GPD1L: variants seen among roughly 807,000 people sequenced by gnomAD.
GPD1L encodes glycerol-3-phosphate dehydrogenase 1 like.
GPD1L carries 17 observed loss-of-function variants against 32.9 expected under a neutral mutation model. The observed-to-expected ratio is 0.52, with a 90% CI of 0.35 to 0.78. GPD1L has a LOEUF of 0.78. GPD1L is among the 30% of genes least tolerant of loss of function. GPD1L has a pLI of 0.01. For synonymous variants in GPD1L, 187 were observed against 165.9 expected, an observed-to-expected ratio of 1.13 and a Z score of -0.98; for missense variants, 361 against 447.8, an observed-to-expected ratio of 0.81 and a Z score of 1.75.
intron 7 of GPD1L, among the ~76,000 whole-genome samples, chr3:32,161,006 T>C (rs762102750): frequency 5.9e-5 from 9 of 152,206 alleles, no homozygotes; most frequent in Non-Finnish European, 1.2e-4. Flanking sequence ...TGGAATGACA[T>C]GCTGATTGTG....
chr3:32,153,087 C>T (rs568872510), intron 5 of GPD1L, among the ~76,000 whole-genome samples: 2 of 152,244 alleles, frequency 1.3e-5, no homozygotes, highest in African/African-American at 2.4e-5. Flanking sequence ...AGCAGCAGCC[C>T]GTGGTACAGG....
Position 32,138,674 on chromosome 3 carries a change from G to T in GPD1L, c.313G>T (p.Asp105Tyr). The T allele has an allele frequency of 6.2e-7, 1 of 1,614,078 alleles. No individual in the cohort carries two copies. The highest frequency in any genetic ancestry group is 8.5e-7 in the Non-Finnish European group (1 of 1,179,944). Residue 105 changes from aspartate to tyrosine, a missense_variant, in exon 3 of 8, where the codon GAT becomes TAT. Coordinates refer to ENST00000282541, the MANE Select transcript of GPD1L (RefSeq NM_015141.4). Reference protein sequence around the residue: ...IPHQFIHRICDEITGRVPKKA... With the variant: ...IPHQFIHRICYEITGRVPKKA... Reference sequence around the variant, plus strand: ...CCACCAGTTCATTCACAGAATCTGTGATGAGATCACTGGGAGAGTGCCCAA... The same window carrying T: ...CCACCAGTTCATTCACAGAATCTGTTATGAGATCACTGGGAGAGTGCCCAA...
At chr3:32,133,534 C>T (rs1700616337) in intron 2 of GPD1L, among the ~76,000 whole-genome samples, 1 of 151,940 alleles carries the variant, frequency 6.6e-6, no homozygotes. Context: ...AGGAGTGTAC[C>T]AAAATATTGA....
In GPD1L at chr3:32,166,006, G is replaced by A; in HGVS notation, c.*96G>A. On this transcript the variant is annotated 3_prime_UTR_variant, in exon 8 of 8. Transcript: ENST00000282541. ...GGACTTGGCAACATGATGTTTGACT[G>A]TAATCTCATCACGGATATGTATGAA... The A allele has an allele frequency of 2.6e-6, 2 of 765,116 alleles. No individual in the cohort carries two copies. The highest frequency in any genetic ancestry group is 1.9e-5 in the Admixed American group (1 of 53,798). The allele number at this position is 765,116 out of a possible 1,614,324, so 47.4% of individuals were successfully genotyped here. A position where few individuals can be genotyped will look rare whatever the true frequency, so the allele number is the denominator to read the frequency against.
chr3:32,118,733 C>T (rs1700366220), intron 1 of GPD1L, among the ~76,000 whole-genome samples: 1 of 151,992 alleles, frequency 6.6e-6, no homozygotes, highest in Non-Finnish European at 1.5e-5. Flanking sequence ...TTTCATCTTG[C>T]AAATCTGAAA....
Position 32,146,750 on chromosome 3 carries a change from G to T in GPD1L, c.618+16G>T. ...TGCGCTTAAGGTAAAGTCAGCCTCA[G>T]GGGAGGAGTTCATCAAGCAAGGCAA... On this transcript the variant is annotated intron_variant, in intron 5 of 7. Transcript: ENST00000282541. 1 of 1,429,100 alleles carries T rather than the reference G, an allele frequency of 7.0e-7. No homozygotes were observed. Among genetic ancestry groups the T allele is most frequent in the South Asian group, 1.1e-5 (1 of 87,384 alleles). 88.5% of individuals were successfully genotyped at this position (1,429,100 alleles called of 1,614,324 possible).
intron 1 of GPD1L, among the ~76,000 whole-genome samples, chr3:32,126,894 C>T (rs935989147): frequency 2.6e-5 from 4 of 151,902 alleles, no homozygotes; most frequent in African/African-American, 4.9e-5. Context: ...TTAAATCTCC[C>T]GGGTAACTCT....
chr3:32,154,315 G>A (rs776646374), intron 5 of GPD1L, among the ~76,000 whole-genome samples: 1 of 152,018 alleles, frequency 6.6e-6, no homozygotes, highest in East Asian at 1.9e-4. Flanking sequence ...GCAGTGAAGG[G>A]GCCACAGAGG....
chr3:32,138,664 C>G lies in GPD1L; in HGVS notation c.303C>G (p.His101Gln), dbSNP rs1160143295. Residue 101 changes from histidine to glutamine, a missense_variant, in exon 3 of 8, where the codon CAC (histidine) becomes CAG (glutamine). Physicochemically the swap from His to Gln is conservative, Grantham distance 24. Transcript: ENST00000282541. ...LVFVIPHQFI[H>Q]RICDEITGRV... is the part of the protein sequence containing the mutation. The stretch of plus-strand genomic sequence containing the variant: ...TTGTCATTCCCCACCAGTTCATTCA[C>G]AGAATCTGTGATGAGATCACTGGGA... The G allele has an allele frequency of 6.2e-7, 1 of 1,613,928 alleles. No homozygotes were observed. Among genetic ancestry groups the G allele is most frequent in the Non-Finnish European group, 8.5e-7 (1 of 1,179,930 alleles).
chr3:32,156,535 A>G (rs572262021), intron 5 of GPD1L, among the ~76,000 whole-genome samples: 1 of 151,866 alleles, frequency 6.6e-6, no homozygotes, highest in Admixed American at 6.6e-5. Context: ...ATTCCACATC[A>G]CCCCGTGGGA....
intron 7 of GPD1L, among the ~76,000 whole-genome samples, chr3:32,162,704 G>GAAT: frequency 6.6e-6 from 1 of 152,068 alleles, no homozygotes; most frequent in Non-Finnish European, 1.5e-5. Context: ...TAGGGGTTAG[G>GAAT]ACCTAAGCAT....
At chr3:32,161,702 A>G (rs1195676675) in intron 7 of GPD1L, among the ~76,000 whole-genome samples, 2 of 152,156 alleles carry the variant, frequency 1.3e-5, no homozygotes, top group Non-Finnish European at 2.9e-5. Context: ...CCTGTTTTCA[A>G]AAGCAGGTGT....
chr3:32,130,615 C>CT lies in GPD1L; in HGVS notation c.225+2363dup, dbSNP rs558803041. Among the ~76,000 whole-genome samples, 31 of 152,288 alleles carry CT rather than the reference C, an allele frequency of 2.0e-4. 1 individual carries two copies. The highest frequency in any genetic ancestry group is 6.7e-4 in the African/African-American group (28 of 41,552). On this transcript the variant is annotated intron_variant, in intron 2 of 7. Transcript: ENST00000282541. ...ACTTCACCATGTCATTGCCTGCTCA[C>CT]TAAAAGCTGAGCCCGTCTGGATTTG...
chr3:32,154,220 C>A (rs919776838), intron 5 of GPD1L, among the ~76,000 whole-genome samples: 1 of 152,082 alleles, frequency 6.6e-6, no homozygotes, highest in African/African-American at 2.4e-5. Context: ...TGCACTAGGT[C>A]TCCTGATCTC....
intron 5 of GPD1L, among the ~76,000 whole-genome samples, chr3:32,147,949 G>A (rs1700856772): frequency 6.6e-6 from 1 of 152,184 alleles, no homozygotes; most frequent in Non-Finnish European, 1.5e-5. Flanking sequence ...GGCTCCTAGG[G>A]AGCACACATG....
rs1194782262 is a variant in GPD1L, at chr3:32,121,714, CATATATTTCTATATATATATTTCTATAT to C, written c.48-6341_48-6314del. On this transcript the variant is annotated intron_variant, in intron 1 of 7. Transcript: ENST00000282541. ...ATATATATTTATATATATATTTCTA[CATATATTTCTATATATATATTTCTATAT>C]ATATATTTCTATATATATATATTTC... Among the ~76,000 whole-genome samples, 8 of 124,400 alleles carry C rather than the reference CATATATTTCTATATATATATTTCTATAT, an allele frequency of 6.4e-5. 1 individual carries two copies. The highest frequency in any genetic ancestry group is 4.3e-3 in the Middle Eastern group (1 of 234). The allele number at this position is 124,400 out of a possible 152,430, so 81.6% of individuals were successfully genotyped here.
intron 1 of GPD1L, among the ~76,000 whole-genome samples, chr3:32,113,449 T>C (rs1448865843): frequency 6.6e-6 from 1 of 152,102 alleles, no homozygotes; most frequent in East Asian, 1.9e-4. Flanking sequence ...TCCCCAAGTC[T>C]CTCAGTGGTT....
intron 7 of GPD1L, among the ~76,000 whole-genome samples, chr3:32,162,766 G>A (rs1297477448): frequency 6.6e-6 from 1 of 151,998 alleles, no homozygotes; most frequent in Non-Finnish European, 1.5e-5. Flanking sequence ...GTTCTCTGAG[G>A]TGCATGTTGC....
chr3:32,164,585 A>G (rs1701119235), intron 7 of GPD1L, among the ~76,000 whole-genome samples: 1 of 152,228 alleles, frequency 6.6e-6, no homozygotes, highest in South Asian at 2.1e-4. Context: ...ATCCAGTCCC[A>G]TTTTACAGAT....
Sources: gnomAD v4.1 joint callset for allele counts (sites outside exome capture counted in the v4.1 genomes callset) on GRCh38, gnomAD v4.1.1 for gene constraint, MANE v1.5 for transcripts, NCBI Gene and HGNC (gene_info 2026-07-23, HGNC 2026-07-21) for gene names.